Variants in ZNF532 observed in about 807,000 individuals in gnomAD.
ZNF532 encodes zinc finger protein 532.
ZNF532 carries 22 observed loss-of-function variants against 89.3 expected under a neutral mutation model. That is an observed-to-expected ratio of 0.25 (90% CI 0.18 to 0.35). The LOEUF is 0.35. Ranked by LOEUF, ZNF532 falls within the 10% of genes least tolerant of loss-of-function variation. The pLI is 1.00. For missense variants in ZNF532, 1,132 were observed against 1,643.4 expected (o/e 0.69, Z 5.38); for synonymous variants, 606 against 649.6 (o/e 0.93, Z 1.02).
At chr18:58,875,395 T>C (rs1485863756) in intron 2 of ZNF532, among the ~76,000 whole-genome samples, 1 of 152,224 alleles carries the variant, frequency 6.6e-6, no homozygotes, top group Non-Finnish European at 1.5e-5. Context: ...TGGACAATGC[T>C]GTTCTGGAAT....
chr18:58,870,868 AT>A (rs1043092836), intron 2 of ZNF532, among the ~76,000 whole-genome samples: 3 of 152,088 alleles, frequency 2.0e-5, no homozygotes, highest in African/African-American at 7.2e-5. Context: ...GGCAGAATAG[AT>A]TTGGAAGAGT....
chr18:58,920,658 GT>G (rs1342717319), intron 3 of ZNF532, 25 bp downstream of exon 3: 1 of 1,542,712 alleles, frequency 6.5e-7, no homozygotes, highest in Admixed American at 2.0e-5. Flanking sequence ...AAATTTTTGT[GT>G]TTCAGTGATG....
At chr18:58,966,351 C>G (rs913036146) in intron 7 of ZNF532, among the ~76,000 whole-genome samples, 1 of 152,114 alleles carries the variant, frequency 6.6e-6, no homozygotes, top group African/African-American at 2.4e-5. Flanking sequence ...AAATGTTTAT[C>G]TAAAATTACT....
intron 2 of ZNF532, among the ~76,000 whole-genome samples, chr18:58,891,121 A>G (rs1224151585): frequency 6.6e-6 from 1 of 152,134 alleles, no homozygotes; most frequent in Non-Finnish European, 1.5e-5. Flanking sequence ...GGATTTCACC[A>G]TGTTAGCCAG....
chr18:58,977,404 G>C (rs2067184422), intron 7 of ZNF532: 1 of 152,148 alleles, frequency 6.6e-6, no homozygotes. Context: ...CGTGGGTTGA[G>C]TGGCTTTCAC....
chr18:58,965,451 G>C (rs538564225), intron 7 of ZNF532, among the ~76,000 whole-genome samples: 1 of 152,346 alleles, frequency 6.6e-6, no homozygotes, highest in East Asian at 1.9e-4. Flanking sequence ...AGTTTGCACA[G>C]AATGAAAGCT....
intron 2 of ZNF532, among the ~76,000 whole-genome samples, chr18:58,894,467 CAA>C (rs149027291): frequency 9.1e-4 from 71 of 77,824 alleles, no homozygotes; most frequent in Middle Eastern, 7.9e-3. Context: ...GACTCCATCT[CAA>C]AAAAAAAAAA....
chr18:58,919,935 C>T lies in ZNF532; in HGVS notation c.1648C>T (p.Gln550Ter). ...LRQVLTKPQQ[Q>*]IKQAIINAAA... is the part of the protein sequence containing the mutation. The stretch of plus-strand genomic sequence containing the variant: ...CCAAGTGCTAACCAAACCTCAGCAA[C>T]AAATAAAGCAGGCAATAATCAATGC... The change falls in exon 3 of 10, where the codon CAA becomes TAA. Residue 550 changes from glutamine to a stop codon, truncating the protein, a stop_gained. Transcript: ENST00000591808. LOFTEE classifies it high-confidence loss of function. The surrounding 1 kb of genome is among the most constrained non-coding windows in gnomAD (Gnocchi z 6.1). The T allele has an allele frequency of 6.2e-7, 1 of 1,613,956 alleles. No homozygotes were observed. The highest frequency in any genetic ancestry group is 2.2e-5 in the East Asian group (1 of 44,878).
intron 7 of ZNF532, among the ~76,000 whole-genome samples, chr18:58,978,654 A>G (rs2067336327): frequency 1.3e-5 from 2 of 152,064 alleles, no homozygotes; most frequent in African/African-American, 4.8e-5. Flanking sequence ...TGGTTTTGTT[A>G]CTGTATTCCT....
chr18:58,930,953 T>C (rs951554079), intron 3 of ZNF532, among the ~76,000 whole-genome samples: 2 of 152,312 alleles, frequency 1.3e-5, no homozygotes, highest in Non-Finnish European at 2.9e-5. Context: ...AGAGAGTTGA[T>C]TGTAATTGCA....
At chr18:58,893,351 G>A (rs1383884048) in intron 2 of ZNF532, among the ~76,000 whole-genome samples, 1 of 152,106 alleles carries the variant, frequency 6.6e-6, no homozygotes, top group Non-Finnish European at 1.5e-5. Context: ...TATGTTAATA[G>A]TTTGCTTTAG....
chr18:58,888,741 T>TTATATATATAA (rs2058530831), intron 2 of ZNF532, among the ~76,000 whole-genome samples: 1 of 30,444 alleles, frequency 3.3e-5, no homozygotes, highest in Non-Finnish European at 5.0e-5. Flanking sequence ...TATATATATA[T>TTATATATATAA]TTTATATATA....
At chr18:58,953,286 C>T (rs1327466497) in intron 6 of ZNF532, 21 of 386,344 alleles carry the variant, frequency 5.4e-5, no homozygotes, top group Non-Finnish European at 9.6e-5. Context: ...TAAAATGGTA[C>T]AAATATATAG....
At chr18:58,963,603 A>ATG (rs60644289) in intron 7 of ZNF532, among the ~76,000 whole-genome samples, 13,073 of 143,654 alleles carry the variant, frequency 0.091, 718 homozygotes, top group African/African-American at 0.18. Context: ...AAAGAAAAAA[A>ATG]TGTGTGTGTG....
At chr18:58,874,406 G>A (rs1453322232) in intron 2 of ZNF532, among the ~76,000 whole-genome samples, 4 of 152,098 alleles carry the variant, frequency 2.6e-5, no homozygotes, top group East Asian at 3.9e-4. Context: ...GTGCAATGGC[G>A]CGATCTCGCC....
At chr18:58,977,065 T>TGTTCTCTCTTTC (rs1470181709) in intron 7 of ZNF532, among the ~76,000 whole-genome samples, 1 of 152,214 alleles carries the variant, frequency 6.6e-6, no homozygotes, top group Non-Finnish European at 1.5e-5. Context: ...TTATTTGCTT[T>TGTTCTCTCTTTC]GTTCTCTCTT....
At chr18:58,894,364 A>G (rs2059112988) in intron 2 of ZNF532, among the ~76,000 whole-genome samples, 1 of 151,730 alleles carries the variant, frequency 6.6e-6, no homozygotes, top group Non-Finnish European at 1.5e-5. Context: ...CTACTCAGTA[A>G]GCTGAGGCAG....
intron 7 of ZNF532, among the ~76,000 whole-genome samples, chr18:58,973,597 TAGAC>T (rs1182458564): frequency 2.0e-5 from 3 of 152,186 alleles, no homozygotes; most frequent in Non-Finnish European, 2.9e-5. Flanking sequence ...GGAAAACAGT[TAGAC>T]AGTTTCTTAT....
At chr18:58,983,949 C>A in intron 9 of ZNF532, 23 bp from the exon 10 acceptor site, 4 of 1,589,856 alleles carry the variant, frequency 2.5e-6, no homozygotes, top group South Asian at 2.3e-5. Flanking sequence ...TCAGTCGTGT[C>A]ATTTGCTTTC....
Sources: allele counts gnomAD v4.1 joint callset (sites outside exome capture counted in the v4.1 genomes callset), GRCh38; gene constraint gnomAD v4.1.1; non-coding constraint Gnocchi (gnomAD v3.1); transcripts MANE v1.5; gene names NCBI Gene and HGNC (gene_info 2026-07-23, HGNC 2026-07-21).